SMARCA2: variants seen among roughly 807,000 people sequenced by gnomAD.
SMARCA2 encodes the protein SWI/SNF-related matrix-associated actin-dependent regulator of chromatin subfamily A member 2.
In SMARCA2, 61 loss-of-function variants were observed where a neutral mutation model predicts 199.8. The observed-to-expected ratio is 0.31, with a 90% CI of 0.25 to 0.38. The LOEUF is 0.38. Ranked by LOEUF, SMARCA2 falls within the 10% of genes least tolerant of loss-of-function variation. SMARCA2 has a pLI of 1.00. For missense variants in SMARCA2, 1,344 were observed against 2,012.2 expected, an observed-to-expected ratio of 0.67 and a Z score of 6.35; for synonymous variants, 935 against 732.0, an observed-to-expected ratio of 1.28 and a Z score of -4.48.
At position 2,086,942 on chromosome 9, in the gene SMARCA2, T is replaced by G. The variant is rs760423459; in HGVS notation, c.2640T>G (p.Thr880=). 1.9e-6 allele frequency: 3 copies of G among 1,614,178 alleles called. No individual in the cohort carries two copies. In the Admixed American group the frequency reaches 5.0e-5, roughly 27 times the overall value. ...HYVAPRRILL[T]GTPLQNKLPE... ...TGGCCCCCAGAAGGATCCTCTTGAC[T>G]GGGACCCCGCTGCAGAATAAGCTCC... The change falls in exon 18 of 34, where the codon ACT becomes ACG. Residue 880 remains threonine, a synonymous_variant. Transcript: ENST00000349721. This position sits in a 1 kb window ranked among gnomAD's most constrained non-coding sequence, Gnocchi z 4.3.
intron 1 of SMARCA2, among the ~76,000 whole-genome samples, chr9:2,025,983 C>T (rs535204726): frequency 6.6e-6 from 1 of 152,212 alleles, no homozygotes; most frequent in African/African-American, 2.4e-5. Flanking sequence ...CTTCAAGATG[C>T]TCTGGAGGCA....
intron 29 of SMARCA2, among the ~76,000 whole-genome samples, chr9:2,176,188 T>TTTTTTTTTGTTTTTTTTTTTTTTG (rs1826586894): frequency 7.4e-6 from 1 of 135,562 alleles, no homozygotes; most frequent in African/African-American, 3.4e-5. Context: ...GCCTGTTTTT[T>TTTTTTTTTGTTTTTTTTTTTTTTG]TTTTTTTTTT....
At chr9:2,176,182 G>GTTTTTTTTTTTTTTTTTTTT (rs56186732) in intron 29 of SMARCA2, among the ~76,000 whole-genome samples, 23 of 104,136 alleles carry the variant, frequency 2.2e-4, no homozygotes, top group African/African-American at 6.7e-4. Flanking sequence ...CGCCCGGCCT[G>GTTTTTTTTTTTTTTTTTTTT]TTTTTTTTTT....
chr9:2,100,518 G>C (rs528763529), intron 21 of SMARCA2, among the ~76,000 whole-genome samples: 18 of 152,120 alleles, frequency 1.2e-4, no homozygotes, highest in Non-Finnish European at 2.2e-4. Context: ...CCTGGCCAAT[G>C]TGGCGAAACC....
At chr9:2,082,683 A>C (rs10964680) in intron 15 of SMARCA2, among the ~76,000 whole-genome samples, 14,727 of 152,294 alleles carry the variant, frequency 0.097, 780 homozygotes, top group Middle Eastern at 0.12. Flanking sequence ...TTGTTCACCA[A>C]GGTCTTGTTA....
At position 2,137,164 on chromosome 9, in the gene SMARCA2, G is replaced by A. The variant is rs370978145; in HGVS notation, c.3981+13227G>A. 1.6e-4 allele frequency among the ~76,000 whole-genome samples: 25 copies of A among 152,322 alleles called. No homozygotes were observed. In the South Asian group the frequency reaches 5.2e-3, roughly 32 times the overall value. On this transcript the variant is annotated intron_variant, in intron 27 of 33. Transcript: ENST00000349721. ...GAGAAAAGAAAGATTCAGGGCTTTA[G>A]GTGCCAAAGTAATAAGGATCTGGAG...
intron 10 of SMARCA2, 117 bp downstream of exon 10, chr9:2,070,588 A>C: frequency 1.4e-6 from 1 of 704,250 alleles, no homozygotes; most frequent in Non-Finnish European, 2.4e-6. Context: ...TTTTAAGTAA[A>C]AATAGTAATA....
At chr9:2,047,659 T>A in intron 5 of SMARCA2, 175 bp downstream of exon 5, 2 of 725,962 alleles carry the variant, frequency 2.8e-6, no homozygotes, top group Non-Finnish European at 3.8e-6. Context: ...GGCACCGGGG[T>A]TTTGAAGATC....
At chr9:2,069,223 C>G (rs757594016) in intron 9 of SMARCA2, among the ~76,000 whole-genome samples, 1 of 151,472 alleles carries the variant, frequency 6.6e-6, no homozygotes, top group Non-Finnish European at 1.5e-5. Flanking sequence ...GCCGATATGA[C>G]ATAATCTTAA....
chr9:2,055,912 G>C (rs773180562), intron 6 of SMARCA2, among the ~76,000 whole-genome samples: 2 of 152,084 alleles, frequency 1.3e-5, no homozygotes, highest in Non-Finnish European at 2.9e-5. Flanking sequence ...ATTGATTTCT[G>C]ATTTTTGTTT....
At chr9:2,160,496 T>G (rs1825609943) in intron 27 of SMARCA2, 3 of 603,778 alleles carry the variant, frequency 5.0e-6, no homozygotes, top group Non-Finnish European at 6.1e-6. Context: ...AAACCTTTCT[T>G]TTTCAGGAAG....
rs1820455088 is a variant in SMARCA2 at position 2,058,601 on chromosome 9, A to C, written c.1521+137A>C. ...ATTTTAGTAAATTTCTTTGAACCTT[A>C]GGGAGATGAAGTAAAAACTTTTTCT... On this transcript the variant is annotated intron_variant, in intron 8 of 33. Coordinates refer to ENST00000349721, the MANE Select transcript of SMARCA2 (RefSeq NM_003070.5). 9.8e-6 allele frequency: 7 copies of C among 714,566 alleles called. No homozygotes were observed. In the South Asian group the frequency reaches 1.3e-4, roughly 14 times the overall value. The allele number at this position is 714,566 out of a possible 1,614,324, so 44.3% of individuals were successfully genotyped here.
At chr9:2,133,877 A>ATG (rs1824074015) in intron 27 of SMARCA2, among the ~76,000 whole-genome samples, 1 of 152,134 alleles carries the variant, frequency 6.6e-6, no homozygotes, top group African/African-American at 2.4e-5. Context: ...TTAAGAGTAC[A>ATG]TGCCTTGAAA....
chr9:2,056,936 C>A lies in SMARCA2; in HGVS notation c.1347+91C>A. The A allele has an allele frequency of 8.5e-7, 1 of 1,178,990 alleles. No individual in the cohort carries two copies. 73.0% of individuals were successfully genotyped at this position (1,178,990 alleles called of 1,614,324 possible). On this transcript the variant is annotated intron_variant, in intron 7 of 33. Coordinates refer to ENST00000349721, the MANE Select transcript of SMARCA2 (RefSeq NM_003070.5). This position sits in a 1 kb window ranked among gnomAD's most constrained non-coding sequence, Gnocchi z 4.0. ...GGGTCAGAATGACTGAAAAATGGAC[C>A]CTTGTGGGTGGTGGGGACATCACAG... is the stretch of plus-strand genomic sequence containing the variant.
chr9:2,083,606 T>G (rs1009291618), intron 16 of SMARCA2, among the ~76,000 whole-genome samples, 193 bp downstream of exon 16: 1 of 152,228 alleles, frequency 6.6e-6, no homozygotes, highest in Non-Finnish European at 1.5e-5. Context: ...GATAGTGAAA[T>G]CCAGAAGAAA....
At chr9:2,067,187 G>A (rs772878739) in intron 9 of SMARCA2, among the ~76,000 whole-genome samples, 7 of 152,196 alleles carry the variant, frequency 4.6e-5, no homozygotes, top group Non-Finnish European at 1.0e-4. Flanking sequence ...AATTGTGTGC[G>A]TGCTTTTAAC....
intron 4 of SMARCA2, chr9:2,042,589 A>G (rs558736374): frequency 6.6e-6 from 1 of 152,264 alleles, no homozygotes; most frequent in Admixed American, 6.5e-5. Flanking sequence ...TGTACACAAT[A>G]AATGCTTCAT....
chr9:2,157,857 C>G (rs968825980), intron 27 of SMARCA2: 3 of 398,602 alleles, frequency 7.5e-6, no homozygotes, highest in Non-Finnish European at 1.3e-5. Flanking sequence ...GGCTGACTTT[C>G]TGGACCTGCC....
At chr9:2,053,373 C>T (rs1023241272) in intron 5 of SMARCA2, among the ~76,000 whole-genome samples, 4 of 152,062 alleles carry the variant, frequency 2.6e-5, no homozygotes, top group African/African-American at 9.7e-5. Context: ...TAGTTGAGGT[C>T]CAGGAAGGTT....
Sources: allele counts gnomAD v4.1 joint callset (sites outside exome capture counted in the v4.1 genomes callset), GRCh38; gene constraint gnomAD v4.1.1; non-coding constraint Gnocchi (gnomAD v3.1); transcripts MANE v1.5; gene names NCBI Gene and HGNC (gene_info 2026-07-23, HGNC 2026-07-21).